Variants in DNMBP observed in about 807,000 individuals in gnomAD.
DNMBP encodes dynamin-binding protein.
A neutral mutation model predicts 150.0 loss-of-function variants in DNMBP; 87 were observed. The ratio of observed to expected loss-of-function variants is 0.58; its 90% CI spans 0.49 to 0.69. DNMBP has a LOEUF of 0.69. Among genes scored for constraint, DNMBP ranks in the 30% least tolerant of loss-of-function variants. DNMBP has a pLI of 0.00. For missense variants in DNMBP, 1,774 were observed against 1,949.0 expected, an observed-to-expected ratio of 0.91 and a Z score of 1.69; for synonymous variants, 711 against 750.4, an observed-to-expected ratio of 0.95 and a Z score of 0.86.
intron 3 of DNMBP, among the ~76,000 whole-genome samples, chr10:99,959,413 G>A (rs1009743775): frequency 2.6e-5 from 4 of 152,074 alleles, no homozygotes; most frequent in South Asian, 2.1e-4. Flanking sequence ...TTGAACCTGG[G>A]AAGTCAAGGC....
chr10:99,912,805 A>C (rs1367130882), intron 4 of DNMBP, among the ~76,000 whole-genome samples: 1 of 152,184 alleles, frequency 6.6e-6, no homozygotes, highest in Non-Finnish European at 1.5e-5. Context: ...GACTATAGGC[A>C]TGTGTCACTG....
intron 4 of DNMBP, among the ~76,000 whole-genome samples, chr10:99,917,896 G>A (rs1217511620): frequency 1.4e-5 from 2 of 146,592 alleles, no homozygotes; most frequent in Non-Finnish European, 3.0e-5. Context: ...TTAAACCCAG[G>A]AAGCAGAGGT....
At chr10:99,889,846 CA>C (rs2039529785) in intron 11 of DNMBP, among the ~76,000 whole-genome samples, 1 of 152,070 alleles carries the variant, frequency 6.6e-6, no homozygotes. Context: ...CTTAATTTAA[CA>C]AAAAGTAAAT....
chr10:99,977,655 A>C (rs1231453573), intron 1 of DNMBP, among the ~76,000 whole-genome samples: 1 of 152,228 alleles, frequency 6.6e-6, no homozygotes, highest in African/African-American at 2.4e-5. Flanking sequence ...GAAGAGATTT[A>C]TTTCATTCAC....
chr10:99,938,567 T>C (rs1021060432), intron 4 of DNMBP, among the ~76,000 whole-genome samples: 1 of 151,902 alleles, frequency 6.6e-6, no homozygotes. Flanking sequence ...AAAGAAATTA[T>C]AGTTGGGCAA....
Position 99,877,085 on chromosome 10 carries a change from G to T in DNMBP, c.*66C>A. On this transcript the variant is annotated 3_prime_UTR_variant, in exon 17 of 17. Transcript: ENST00000324109. ...TCTCAGGAGCAGGCGCCCTCTCGGT[G>T]GGCCGCCAGAACCCTCGGCGGACTG... 1 of 1,431,184 alleles carries T rather than the reference G, an allele frequency of 7.0e-7. No homozygotes were observed. The highest frequency in any genetic ancestry group is 2.4e-5 in the East Asian group (1 of 41,950). The allele number at this position is 1,431,184 out of a possible 1,614,324, so 88.7% of individuals were successfully genotyped here.
chr10:99,952,666 T>G (rs2040437991), intron 4 of DNMBP, among the ~76,000 whole-genome samples: 1 of 152,240 alleles, frequency 6.6e-6, no homozygotes, highest in Non-Finnish European at 1.5e-5. Context: ...TCTGCCCACA[T>G]GCATAATAGT....
intron 1 of DNMBP, among the ~76,000 whole-genome samples, chr10:99,976,846 T>C (rs2040733109): frequency 6.6e-6 from 1 of 152,160 alleles, no homozygotes; most frequent in African/African-American, 2.4e-5. Context: ...ATGTTTATGT[T>C]ATTAAAACTA....
At chr10:99,998,569 G>A (rs2040977662) in intron 1 of DNMBP, among the ~76,000 whole-genome samples, 2 of 122,448 alleles carry the variant, frequency 1.6e-5, no homozygotes, top group African/African-American at 6.7e-5. Flanking sequence ...GACAGAGTGA[G>A]ACTCCGTCTC....
intron 6 of DNMBP, 69 bp downstream of exon 6, chr10:99,907,926 A>G (rs1443771596): frequency 8.8e-7 from 1 of 1,140,840 alleles, no homozygotes; most frequent in African/African-American, 1.5e-5. Context: ...CAGTATCAGG[A>G]AGGCCACTTA....
intron 4 of DNMBP, chr10:99,930,131 A>G (rs894831341): frequency 5.7e-6 from 4 of 702,866 alleles, no homozygotes; most frequent in Admixed American, 2.0e-5. Flanking sequence ...GACCATCAGG[A>G]TAACTCCCAG....
At chr10:99,968,688 CAAAA>C (rs397755241) in intron 3 of DNMBP, among the ~76,000 whole-genome samples, 2 of 109,290 alleles carry the variant, frequency 1.8e-5, no homozygotes. Flanking sequence ...ACTACTGTCT[CAAAA>C]AAAAAAAAAA....
At chr10:99,926,313 C>G (rs2133276127) in intron 4 of DNMBP, among the ~76,000 whole-genome samples, 1 of 152,192 alleles carries the variant, frequency 6.6e-6, no homozygotes, top group East Asian at 1.9e-4. Flanking sequence ...GAGATGTGGT[C>G]TCACTCTGTC....
intron 4 of DNMBP, among the ~76,000 whole-genome samples, chr10:99,953,435 A>C (rs1489916388): frequency 6.6e-6 from 1 of 152,080 alleles, no homozygotes; most frequent in African/African-American, 2.4e-5. Flanking sequence ...AGCCATATGA[A>C]TTATCATTGT....
intron 4 of DNMBP, among the ~76,000 whole-genome samples, chr10:99,925,508 T>A (rs1040448720): frequency 2.6e-5 from 4 of 152,102 alleles, no homozygotes; most frequent in African/African-American, 9.7e-5. Flanking sequence ...CTCCACCTCC[T>A]GGGTTCAAGC....
intron 15 of DNMBP, among the ~76,000 whole-genome samples, chr10:99,881,698 C>A (rs1289946325): frequency 6.6e-6 from 1 of 152,208 alleles, no homozygotes; most frequent in Admixed American, 6.5e-5. Flanking sequence ...CTGTCTCTGA[C>A]CCCAGCAGTA....
intron 6 of DNMBP, among the ~76,000 whole-genome samples, chr10:99,904,507 C>T (rs2039795637): frequency 6.6e-6 from 1 of 152,148 alleles, no homozygotes; most frequent in South Asian, 2.1e-4. Flanking sequence ...TCGGAGCCTT[C>T]CCTCATCGGA....
intron 4 of DNMBP, among the ~76,000 whole-genome samples, chr10:99,947,780 G>T (rs1346960399): frequency 6.6e-6 from 1 of 151,988 alleles, no homozygotes; most frequent in Non-Finnish European, 1.5e-5. Flanking sequence ...AAATATTTGT[G>T]GTATTTCTTT....
chr10:99,940,948 G>C (rs1318292196), intron 4 of DNMBP, among the ~76,000 whole-genome samples: 4 of 152,002 alleles, frequency 2.6e-5, no homozygotes, highest in Non-Finnish European at 5.9e-5. Context: ...ACGGTGGCGC[G>C]ATCTTGGCTC....
Sources: allele counts gnomAD v4.1 joint callset (sites outside exome capture counted in the v4.1 genomes callset), GRCh38; gene constraint gnomAD v4.1.1; transcripts MANE v1.5; gene names NCBI Gene and HGNC (gene_info 2026-07-23, HGNC 2026-07-21).